Variants in GNB4 observed in about 807,000 individuals in gnomAD.
GNB4 encodes G protein subunit beta 4, also known as guanine nucleotide-binding protein subunit beta-4.
In GNB4, 28 loss-of-function variants were observed where a neutral mutation model predicts 45.2. The ratio of observed to expected loss-of-function variants is 0.62; its 90% CI spans 0.46 to 0.85. The LOEUF (loss-of-function observed/expected upper bound fraction) is 0.85. Ranked by LOEUF, GNB4 falls within the 40% of genes least tolerant of loss-of-function variation. The probability of loss-of-function intolerance (pLI) is 0.00; values close to 1 mark genes in which losing one functional copy is unlikely to be tolerated. For missense variants in GNB4, 321 were observed against 425.4 expected (o/e 0.75, Z 2.16); for synonymous variants, 132 against 143.7 (o/e 0.92, Z 0.58).
chr3:179,414,824 T>A, intron 6 of GNB4, 61 bp downstream of exon 6: 1 of 1,373,854 alleles, frequency 7.3e-7, no homozygotes, highest in Non-Finnish European at 9.9e-7. Context: ...TCATTTGTCC[T>A]TGATCAGCAC....
the GNB4 span, among the ~76,000 whole-genome samples, chr3:179,500,636 T>G: frequency 6.6e-6 from 1 of 152,208 alleles, no homozygotes; most frequent in Non-Finnish European, 1.5e-5. Context: ...AAGGATAGCT[T>G]GATGGGGATA....
At chr3:179,422,346 G>A (rs1451170650) in intron 2 of GNB4, among the ~76,000 whole-genome samples, 1 of 151,930 alleles carries the variant, frequency 6.6e-6, no homozygotes, top group Non-Finnish European at 1.5e-5. Context: ...AGAATATAAG[G>A]CCAGGCGTGA....
At chr3:179,404,491 A>T (rs1383858572) in intron 9 of GNB4, among the ~76,000 whole-genome samples, 1 of 152,152 alleles carries the variant, frequency 6.6e-6, no homozygotes, top group Non-Finnish European at 1.5e-5. Flanking sequence ...GGAAGAAACC[A>T]ACCTTAGCAA....
chr3:179,478,579 T>C, the GNB4 span, among the ~76,000 whole-genome samples: 1 of 152,180 alleles, frequency 6.6e-6, no homozygotes, highest in Non-Finnish European at 1.5e-5. Context: ...GGCCTCGCTC[T>C]GTCACCCAGG....
the GNB4 span, among the ~76,000 whole-genome samples, chr3:179,520,066 T>C: frequency 1.3e-5 from 2 of 151,946 alleles, no homozygotes; most frequent in African/African-American, 4.8e-5. Flanking sequence ...TCTCCTAACC[T>C]CAATGCCTCC....
chr3:179,425,637 ATT>A (rs1380567150), intron 2 of GNB4, among the ~76,000 whole-genome samples: 7 of 151,926 alleles, frequency 4.6e-5, no homozygotes, highest in Non-Finnish European at 1.0e-4. Flanking sequence ...CGCCTGGCTA[ATT>A]TTTCTATTTT....
chr3:179,467,306 C>T, the GNB4 span, among the ~76,000 whole-genome samples: 3 of 152,290 alleles, frequency 2.0e-5, no homozygotes, highest in South Asian at 6.2e-4. Flanking sequence ...GCCACTGTGC[C>T]TGGCAAGAAT....
chr3:179,448,921 AAAAT>A (rs945466766), intron 1 of GNB4, among the ~76,000 whole-genome samples: 2 of 152,208 alleles, frequency 1.3e-5, no homozygotes, highest in Non-Finnish European at 2.9e-5. Flanking sequence ...TCTATTTATA[AAAAT>A]AAATAAATAA....
rs181178451 is a variant in GNB4 at position 179,403,174 on chromosome 3, C to T, written c.917-1855G>A. Among the ~76,000 whole-genome samples the T allele has an allele frequency of 2.4e-4, 37 of 152,210 alleles. No individual in the cohort carries two copies. The Middle Eastern group carries it at 0.01, about 42-fold the overall frequency. ...ACGGCCAGCCTAGAGTAAATGGAGG[C>T]CGAGTCAGCACACCAGCCACGTGCC... is the stretch of plus-strand genomic sequence containing the variant. On this transcript the variant is annotated intron_variant, in intron 9 of 9. Coordinates refer to ENST00000232564, the MANE Select transcript of GNB4 (RefSeq NM_021629.4).
chr3:179,522,574 G>A, the GNB4 span, among the ~76,000 whole-genome samples: 5 of 152,218 alleles, frequency 3.3e-5, no homozygotes, highest in Non-Finnish European at 7.3e-5. Context: ...TCGGCTTGCT[G>A]AGAGATAGTG....
chr3:179,460,968 C>T, the GNB4 span, among the ~76,000 whole-genome samples: 2 of 152,190 alleles, frequency 1.3e-5, no homozygotes, highest in Middle Eastern at 3.2e-3. Flanking sequence ...TGGTCACCAT[C>T]GACTCAGGCA....
upstream of GNB4, among the ~76,000 whole-genome samples, chr3:179,451,990 C>A (rs1715893872): frequency 1.3e-5 from 2 of 152,170 alleles, no homozygotes; most frequent in Admixed American, 6.5e-5. Context: ...TGTACCGTCT[C>A]GGGCCTAAGT....
intron 9 of GNB4, among the ~76,000 whole-genome samples, chr3:179,403,124 A>G (rs1394060113): frequency 6.6e-6 from 1 of 152,218 alleles, no homozygotes; most frequent in Non-Finnish European, 1.5e-5. Flanking sequence ...GCAGAAAGGC[A>G]GACACAGCAA....
chr3:179,457,906 T>C, the GNB4 span, among the ~76,000 whole-genome samples: 10 of 106,500 alleles, frequency 9.4e-5, no homozygotes, highest in African/African-American at 3.4e-4. Flanking sequence ...TTTTAGTTCT[T>C]TTTTTTTTTT....
chr3:179,415,485 T>A (rs1714772406), intron 5 of GNB4, among the ~76,000 whole-genome samples: 1 of 152,058 alleles, frequency 6.6e-6, no homozygotes, highest in South Asian at 2.1e-4. Context: ...ATTACATGAG[T>A]CTTCCATGAA....
At chr3:179,408,391 C>A (rs1714540750) in intron 8 of GNB4, among the ~76,000 whole-genome samples, 1 of 151,994 alleles carries the variant, frequency 6.6e-6, no homozygotes, top group Non-Finnish European at 1.5e-5. Context: ...ATATCCTGAA[C>A]AATAAGATGA....
chr3:179,448,474 G>T (rs1467269548), intron 1 of GNB4, among the ~76,000 whole-genome samples: 60 of 142,308 alleles, frequency 4.2e-4, no homozygotes, highest in East Asian at 1.0e-3. Context: ...AACTTACTTG[G>T]TTTTTTTTTT....
At position 179,401,154 on chromosome 3, in the gene GNB4, T is replaced by C; in HGVS notation, c.*59A>G. 2.5e-6 allele frequency: 3 copies of C among 1,202,050 alleles called. No homozygotes were observed. The highest frequency in any genetic ancestry group is 2.7e-5 in the South Asian group (2 of 73,280). The allele number at this position is 1,202,050 out of a possible 1,614,324, so 74.5% of individuals were successfully genotyped here. On this transcript the variant is annotated 3_prime_UTR_variant, in exon 10 of 10. Coordinates refer to ENST00000232564, the MANE Select transcript of GNB4 (RefSeq NM_021629.4). The stretch of plus-strand genomic sequence containing the variant: ...ATAAGGTAGAATTTTTTCACAGCTA[T>C]AGGCTGTAGCATTGATTTCTCCAGA...
rs1417518661 is a variant in GNB4 at position 179,398,216 on chromosome 3, G to C, written c.*2997C>G. On this transcript the variant is annotated 3_prime_UTR_variant, in exon 10 of 10. Transcript: ENST00000232564. ...CATTATGTTTAAATGTTTCTTAGAA[G>C]GTAAAGAAGGAAACCTGGCTGGGCA... is the stretch of plus-strand genomic sequence containing the variant. The C allele has an allele frequency of 6.6e-6, 1 of 151,906 alleles. No homozygotes were observed. The highest frequency in any genetic ancestry group is 1.5e-5 in the Non-Finnish European group (1 of 67,994). The allele number at this position is 151,906 out of a possible 1,614,324, so 9.4% of individuals were successfully genotyped here.
Sources: gnomAD v4.1 joint callset for allele counts (sites outside exome capture counted in the v4.1 genomes callset) on GRCh38, gnomAD v4.1.1 for gene constraint, MANE v1.5 for transcripts, NCBI Gene and HGNC (gene_info 2026-07-23, HGNC 2026-07-21) for gene names.